CERS5: variants seen among roughly 807,000 people sequenced by gnomAD.
The protein encoded by CERS5 is LAG1 homolog, ceramide synthase 5.
Under a neutral mutation model 58.9 loss-of-function variants are expected in CERS5, and 37 were observed. That is an observed-to-expected ratio of 0.63 (90% CI 0.48 to 0.83). CERS5 has a LOEUF of 0.83. Ranked by LOEUF, CERS5 falls within the 40% of genes least tolerant of loss-of-function variation. The pLI is 0.00. For missense variants in CERS5, 398 were observed against 489.3 expected (o/e 0.81, Z 1.76); for synonymous variants, 147 against 177.8 (o/e 0.83, Z 1.38).
chr12:50,131,519 A>G (rs1951319530), intron 9 of CERS5, among the ~76,000 whole-genome samples: 1 of 143,476 alleles, frequency 7.0e-6, no homozygotes, highest in Non-Finnish European at 1.5e-5. Flanking sequence ...AGATCGTGCC[A>G]CTGCACTCCA....
chr12:50,148,118 C>T (rs568936043), intron 1 of CERS5, among the ~76,000 whole-genome samples: 88 of 150,738 alleles, frequency 5.8e-4, no homozygotes, highest in African/African-American at 2.0e-3. Context: ...GCCTGGGAAA[C>T]GTGGTGAAAC....
chr12:50,139,027 TATC>T (rs1374276544), intron 4 of CERS5, among the ~76,000 whole-genome samples: 2 of 152,262 alleles, frequency 1.3e-5, no homozygotes, highest in Non-Finnish European at 2.9e-5. Context: ...CTGGATTTCT[TATC>T]ATTAAATTGT....
Position 50,135,812 on chromosome 12 carries a change from C to T in CERS5, c.792G>A (p.Lys264=). 1 of 1,614,024 alleles carries T rather than the reference C, an allele frequency of 6.2e-7. No homozygotes were observed. Among genetic ancestry groups the T allele is most frequent in the Non-Finnish European group, 8.5e-7 (1 of 1,179,980 alleles). Residue 264 remains lysine, a synonymous_variant, in exon 8 of 10, where the codon AAG becomes AAA. Transcript: ENST00000317551. ...LEAAKLANYA[K]YQRLCDTLFV... ...AAAGGGTGTCACAGAGCCGCTGATA[C>T]TTGGCATAATTGGCCAGTTTGGCTG...
chr12:50,143,295 A>T, intron 2 of CERS5, 91 bp from the exon 3 acceptor site: 1 of 1,462,658 alleles, frequency 6.8e-7, no homozygotes, highest in Non-Finnish European at 9.4e-7. Context: ...TATGATAGCC[A>T]TAAGTGGCTC....
Position 50,167,218 on chromosome 12 carries a change from A to G in CERS5, c.80T>C (p.Val27Ala). ...CGGCCCCTCCAGATCAGCCCAGCTCACGTTCTCGGGTAGCCAGAAGCGCTC... is the reference window on the plus strand; with the variant it reads ...CGGCCCCTCCAGATCAGCCCAGCTCGCGTTCTCGGGTAGCCAGAAGCGCTC... ...WSERFWLPEN[V>A]SWADLEGPAD... The change falls in exon 1 of 10, where the codon GTG becomes GCG. Residue 27 changes from valine to alanine, a missense_variant. This residue lies in a region of CERS5 where 328 missense variants were observed against 384.5 expected (regional missense o/e 0.85). Coordinates refer to ENST00000317551, the MANE Select transcript of CERS5 (RefSeq NM_147190.5). 1 of 1,603,052 alleles carries G rather than the reference A, an allele frequency of 6.2e-7. No homozygotes were observed. The highest frequency in any genetic ancestry group is 8.5e-7 in the Non-Finnish European group (1 of 1,176,122).
chr12:50,166,081 G>C (rs1011371416), intron 1 of CERS5: 8 of 345,828 alleles, frequency 2.3e-5, no homozygotes, highest in Non-Finnish European at 4.6e-5. Flanking sequence ...CCAGCACTTT[G>C]GGAGGCAGAG....
chr12:50,148,844 G>A (rs1434342392), intron 1 of CERS5, among the ~76,000 whole-genome samples: 1 of 146,824 alleles, frequency 6.8e-6, no homozygotes, highest in African/African-American at 2.5e-5. Context: ...AGCGAAGGTT[G>A]CAGTGAGCCA....
At position 50,167,349 on chromosome 12, in the gene CERS5, G is replaced by A. The variant is rs767834055; in HGVS notation, c.-52C>T. On this transcript the variant is annotated 5_prime_UTR_variant, in exon 1 of 10. Transcript: ENST00000317551. Reference sequence around the variant, plus strand: ...GCCACAAGCGTCAGCTGCCGCCACAGCCAACGGAACCCGCGGGGAGGCGGC... The same window carrying A: ...GCCACAAGCGTCAGCTGCCGCCACAACCAACGGAACCCGCGGGGAGGCGGC... The A allele has an allele frequency of 4.8e-6, 7 of 1,457,058 alleles. No individual in the cohort carries two copies. In the African/African-American group the frequency reaches 1.0e-4, roughly 22 times the overall value. The allele number at this position is 1,457,058 out of a possible 1,614,324, so 90.3% of individuals were successfully genotyped here.
Position 50,143,216 on chromosome 12 carries a change from TA to T in CERS5, c.304-13del, listed in dbSNP as rs761138424. ...TTCTTATCAGGATACTGTGAATGTA[TA>T]ACCAGAGTCAGAACACCCGTCTCCT... On this transcript the variant is annotated splice_polypyrimidine_tract_variant and intron_variant, in intron 2 of 9. Coordinates refer to ENST00000317551, the MANE Select transcript of CERS5 (RefSeq NM_147190.5). 12 of 1,613,888 alleles carry T rather than the reference TA, an allele frequency of 7.4e-6. No homozygotes were observed. The highest frequency in any genetic ancestry group is 1.7e-5 in the Admixed American group (1 of 59,978).
At chr12:50,153,269 A>AT (rs202197775) in intron 1 of CERS5, among the ~76,000 whole-genome samples, 21,397 of 91,294 alleles carry the variant, frequency 0.23, 6,216 homozygotes, top group Non-Finnish European at 0.27. Context: ...AACTAATATG[A>AT]TTTTTTTTTT....
chr12:50,133,325 C>A (rs779403858), intron 9 of CERS5: 4 of 1,066,428 alleles, frequency 3.8e-6, no homozygotes, highest in Non-Finnish European at 4.6e-6. Flanking sequence ...TCAAAACTTG[C>A]AAAGTTCAAT....
Position 50,136,051 on chromosome 12 carries a change from C to T in CERS5, c.655G>A (p.Val219Met), listed in dbSNP as rs1951681510. ...IKRKDFLIMF[V>M]HHLVTIGLIS... ...AGCCCAATGGTGACCAAGTGATGCA[C>T]AAACATGATCAGGAAGTCCTAGGAA... The change falls in exon 7 of 10, where the codon GTG becomes ATG. Residue 219 changes from valine to methionine, a missense_variant. Val to Met is a conservative substitution (Grantham distance 21, BLOSUM62 1). Coordinates refer to ENST00000317551, the MANE Select transcript of CERS5 (RefSeq NM_147190.5). 6.7e-7 allele frequency: 1 copy of T among 1,497,548 alleles called. No homozygotes were observed. The highest frequency in any genetic ancestry group is 2.4e-5 in the Admixed American group (1 of 40,864). The allele number at this position is 1,497,548 out of a possible 1,614,324, so 92.8% of individuals were successfully genotyped here.
intron 1 of CERS5, chr12:50,148,461 G>A (rs1424693855): frequency 4.3e-6 from 1 of 231,424 alleles, no homozygotes; most frequent in South Asian, 3.6e-5. Flanking sequence ...GCCAGGCATG[G>A]CGGCACATAC....
intron 9 of CERS5, among the ~76,000 whole-genome samples, chr12:50,131,888 A>G (rs1010623264): frequency 9.9e-5 from 15 of 151,538 alleles, no homozygotes; most frequent in African/African-American, 3.6e-4. Flanking sequence ...CTTGAGCCCA[A>G]GAGTTTGAGA....
chr12:50,162,369 G>A (rs368303496), intron 1 of CERS5, among the ~76,000 whole-genome samples: 1 of 152,082 alleles, frequency 6.6e-6, no homozygotes, highest in Non-Finnish European at 1.5e-5. Context: ...AAGACCAGTT[G>A]TATGTTGCAA....
At chr12:50,153,206 GACA>G (rs1239060034) in intron 1 of CERS5, among the ~76,000 whole-genome samples, 2 of 149,748 alleles carry the variant, frequency 1.3e-5, no homozygotes, top group African/African-American at 4.9e-5. Context: ...CTTTCAGCCT[GACA>G]ACTTCTCAAT....
intron 3 of CERS5, among the ~76,000 whole-genome samples, chr12:50,142,725 G>C (rs1952040950): frequency 6.6e-6 from 1 of 152,238 alleles, no homozygotes; most frequent in Non-Finnish European, 1.5e-5. Context: ...GAAAAGGAAT[G>C]CTTCCTAAAA....
intron 9 of CERS5, 138 bp downstream of exon 9, chr12:50,134,408 C>G: frequency 6.3e-7 from 1 of 1,597,530 alleles, no homozygotes; most frequent in Non-Finnish European, 8.5e-7. Flanking sequence ...ACCGAAGAGG[C>G]GAAGACTTTG....
intron 1 of CERS5, among the ~76,000 whole-genome samples, chr12:50,145,669 G>A (rs1343554179): frequency 6.0e-5 from 9 of 148,782 alleles, no homozygotes; most frequent in African/African-American, 1.7e-4. Flanking sequence ...CCGGTGGGGG[G>A]GAAAAAAAAA....
Sources: allele counts gnomAD v4.1 joint callset (sites outside exome capture counted in the v4.1 genomes callset), GRCh38; gene constraint gnomAD v4.1.1; regional missense constraint gnomAD v4.1.1; transcripts MANE v1.5; gene names NCBI Gene and HGNC (gene_info 2026-07-23, HGNC 2026-07-21).